Variants in RNF213 observed in about 807,000 individuals in gnomAD.
The protein encoded by RNF213 is E3 ubiquitin-protein ligase RNF213.
Under a neutral mutation model 514.4 loss-of-function variants are expected in RNF213, and 341 were observed. That is an observed-to-expected ratio of 0.66 (90% CI 0.61 to 0.73). The LOEUF (loss-of-function observed/expected upper bound fraction) is 0.73, where lower values mean the gene tolerates loss of function less well. RNF213 is among the 30% of genes least tolerant of loss of function. The pLI is 0.00. For missense variants in RNF213, 5,767 were observed against 6,615.6 expected, an observed-to-expected ratio of 0.87 and a Z score of 4.45; for synonymous variants, 2,655 against 2,658.2, an observed-to-expected ratio of 1.00 and a Z score of 0.04.
rs147521107 is a variant in RNF213, at chr17:80,345,752, G to A, written c.7417G>A (p.Ala2473Thr). Reference sequence around the variant, plus strand: ...CAGGGAGGCTGAAAATGTGGCCTTCGCCAATAAGGACCAACATCAGTTGGA... The same window carrying A: ...CAGGGAGGCTGAAAATGTGGCCTTCACCAATAAGGACCAACATCAGTTGGA... ...RVREAENVAF[A>T]NKDQHQLDTI... Residue 2473 changes from alanine to threonine, a missense_variant, in exon 29 of 68, where the codon GCC (alanine) becomes ACC (threonine). Around this residue, in one of 13 missense-constraint regions of RNF213, gnomAD observed 1,377 missense variants for 1,635.2 expected, o/e 0.84. Coordinates refer to ENST00000582970, the MANE Select transcript of RNF213 (RefSeq NM_001256071.3). The surrounding 1 kb of genome is among the most constrained non-coding windows in gnomAD (Gnocchi z 6.0). 1,123 of 1,614,188 alleles carry A rather than the reference G, an allele frequency of 7.0e-4. 12 individuals are homozygous for A. In the African/African-American group the frequency reaches 0.011, roughly 16 times the overall value.
chr17:80,373,253 TACCCCCCCCACACCCC>T (rs2079594341), intron 49 of RNF213, 88 bp downstream of exon 49: 9 of 823,968 alleles, frequency 1.1e-5, no homozygotes, highest in Non-Finnish European at 1.5e-5. Context: ...CCTCACACCC[TACCCCCCCCACACCCC>T]ACCCCCTCAC....
At chr17:80,350,576 A>G (rs2078472726) in intron 31 of RNF213, among the ~76,000 whole-genome samples, 180 bp downstream of exon 31, 3 of 152,360 alleles carry the variant, frequency 2.0e-5, no homozygotes, top group Middle Eastern at 6.8e-3. Flanking sequence ...GACAAAAAGA[A>G]AAGGCCAATA....
intron 44 of RNF213, among the ~76,000 whole-genome samples, chr17:80,368,621 CAG>C (rs1427410569): frequency 6.6e-6 from 1 of 152,020 alleles, no homozygotes; most frequent in African/African-American, 2.4e-5. Context: ...TTAGTAGAGA[CAG>C]GGTTTCACCA....
chr17:80,289,513 C>T (rs2044604248), intron 5 of RNF213, 146 bp from the exon 6 acceptor site: 7 of 826,694 alleles, frequency 8.5e-6, no homozygotes. Flanking sequence ...TTGCTTGAGC[C>T]TGGGAGGCGG....
intron 1 of RNF213, among the ~76,000 whole-genome samples, chr17:80,261,930 T>A (rs1011919081): frequency 6.6e-6 from 1 of 152,122 alleles, no homozygotes; most frequent in Admixed American, 6.6e-5. Context: ...GGCGGGAGAA[T>A]CGCTAGAGCC....
chr17:80,338,830 C>T (rs2078063706), intron 25 of RNF213, among the ~76,000 whole-genome samples: 1 of 151,472 alleles, frequency 6.6e-6, no homozygotes, highest in South Asian at 2.1e-4. Context: ...TGCCTGTAAT[C>T]CCAGCTGCTC....
intron 17 of RNF213, chr17:80,319,662 T>C: frequency 6.7e-7 from 1 of 1,482,160 alleles, no homozygotes; most frequent in African/African-American, 1.4e-5. Context: ...ACTTGCTCAG[T>C]AGGTGTGCGG....
intron 58 of RNF213, 48 bp downstream of exon 58, chr17:80,383,118 A>C: frequency 7.3e-7 from 1 of 1,376,780 alleles, no homozygotes; most frequent in East Asian, 2.3e-5. Flanking sequence ...TCCAGAAAGG[A>C]AGGGTCCCGG....
intron 26 of RNF213, chr17:80,340,569 C>T (rs1293846154): frequency 1.7e-6 from 1 of 582,336 alleles, no homozygotes; most frequent in East Asian, 2.9e-5. Context: ...GCCCCATTCC[C>T]TTCCTCCTCT....
At chr17:80,354,868 T>A in intron 36 of RNF213, 1 of 451,882 alleles carries the variant, frequency 2.2e-6, no homozygotes, top group Non-Finnish European at 4.1e-6. Context: ...CCGACATTCA[T>A]GTTGATAACC....
At chr17:80,312,495 A>G (rs1244782737) in intron 14 of RNF213, among the ~76,000 whole-genome samples, 1 of 129,110 alleles carries the variant, frequency 7.7e-6, no homozygotes, top group African/African-American at 3.1e-5. Flanking sequence ...ATGGGAGCAC[A>G]GTGGGAAGGG....
chr17:80,354,457 A>G lies in RNF213; in HGVS notation c.10743A>G (p.Val3581=), dbSNP rs1183290985. 2 of 1,614,090 alleles carry G rather than the reference A, an allele frequency of 1.2e-6. No homozygotes were observed. The highest frequency in any genetic ancestry group is 1.7e-5 in the Admixed American group (1 of 60,002). ...DDACHASFLR[V]SKMRLSVFLK... The stretch of plus-strand genomic sequence containing the variant: ...TTTGTACAGCCTCTTTCTTGCGGGT[A>G]TCCAAGATGCGCCTCAGTGTCTTTT... Residue 3581 remains valine (V), a synonymous_variant, in exon 36 of 68, where the codon GTA becomes GTG. Transcript: ENST00000582970.
chr17:80,283,451 C>T (rs1379151822), intron 3 of RNF213, among the ~76,000 whole-genome samples: 1 of 152,202 alleles, frequency 6.6e-6, no homozygotes, highest in Non-Finnish European at 1.5e-5. Context: ...AGGGTCTCTC[C>T]TGCAGTTGCG....
chr17:80,327,930 T>C lies in RNF213; in HGVS notation c.3308T>C (p.Val1103Ala). 2 of 1,537,252 alleles carry C rather than the reference T, an allele frequency of 1.3e-6. No homozygotes were observed. Among genetic ancestry groups the C allele is most frequent in the Non-Finnish European group, 1.7e-6 (2 of 1,146,914 alleles). ...GACCTCCTAAGTGGCACGATTTTAG[T>C]TGGACAACTGGAGCTGATTATAAAG... is the stretch of plus-strand genomic sequence containing the variant. ...VGDLLSGTIL[V>A]GQLELIIKHK... Residue 1103 changes from valine to alanine, a missense_variant, in exon 19 of 68, where the codon GTT becomes GCT. Transcript: ENST00000582970.
chr17:80,364,506 C>T lies in RNF213; in HGVS notation c.11824C>T (p.Pro3942Ser), dbSNP rs771053566. The T allele has an allele frequency of 6.2e-7, 1 of 1,614,134 alleles. No individual in the cohort carries two copies. The highest frequency in any genetic ancestry group is 1.7e-5 in the Admixed American group (1 of 60,014). ...GCTCCTAGGAACCGAGAGCCGCGTCCCCGAGTTACAGGGGCTGGTGACCGA... is the reference window on the plus strand; with the variant it reads ...GCTCCTAGGAACCGAGAGCCGCGTCTCCGAGTTACAGGGGCTGGTGACCGA... Reference protein sequence around the residue: ...HVLLGTESRVPELQGLVTEHV... With the variant: ...HVLLGTESRVSELQGLVTEHV... Residue 3942 changes from proline to serine, a missense_variant, in exon 42 of 68, where the codon CCC becomes TCC. Coordinates refer to ENST00000582970, the MANE Select transcript of RNF213 (RefSeq NM_001256071.3).
chr17:80,304,611 G>A (rs566997669), intron 11 of RNF213, among the ~76,000 whole-genome samples: 1 of 152,046 alleles, frequency 6.6e-6, no homozygotes, highest in African/African-American at 2.4e-5. Flanking sequence ...CTGCACTCCA[G>A]CCAAGGCAAC....
chr17:80,305,184 C>T (rs1598966754), intron 11 of RNF213, among the ~76,000 whole-genome samples: 4 of 127,428 alleles, frequency 3.1e-5, no homozygotes, highest in African/African-American at 7.0e-5. Flanking sequence ...CAGCAGTGAA[C>T]TTTTTTTTTT....
At position 80,364,709 on chromosome 17, in the gene RNF213, A is replaced by C. The variant is rs1414139926; in HGVS notation, c.11871+156A>C. On this transcript the variant is annotated intron_variant, in intron 42 of 67. Coordinates refer to ENST00000582970, the MANE Select transcript of RNF213 (RefSeq NM_001256071.3). ...AAGGTGATTTCATCACTAGGCCATT[A>C]CATTTTCCATGTTTAATTGTTTAAT... 3.7e-6 allele frequency: 3 copies of C among 813,788 alleles called. No individual in the cohort carries two copies. The African/African-American group carries it at 5.1e-5, about 14-fold the overall frequency. 50.4% of individuals were successfully genotyped at this position (813,788 alleles called of 1,614,324 possible). A position where few individuals can be genotyped will look rare whatever the true frequency, so the allele number is the denominator to read the frequency against.
At chr17:80,369,403 A>AG (rs1463775911) in intron 44 of RNF213, 99 bp from the exon 45 acceptor site, 7 of 1,271,544 alleles carry the variant, frequency 5.5e-6, no homozygotes, top group African/African-American at 1.5e-5. Context: ...CGTCTCAAAA[A>AG]AAAAAAAAAA....
Sources: allele counts gnomAD v4.1 joint callset (sites outside exome capture counted in the v4.1 genomes callset), GRCh38; gene constraint gnomAD v4.1.1; regional missense constraint gnomAD v4.1.1; non-coding constraint Gnocchi (gnomAD v3.1); transcripts MANE v1.5; gene names NCBI Gene and HGNC (gene_info 2026-07-23, HGNC 2026-07-21).